HOXA3: variants seen among roughly 807,000 people sequenced by gnomAD.
HOXA3 encodes the protein homeobox A3, also known as homeobox protein Hox-A3.
Under a neutral mutation model 30.3 loss-of-function variants are expected in HOXA3, and 8 were observed. The ratio of observed to expected loss-of-function variants is 0.26; its 90% confidence interval spans 0.15 to 0.48. HOXA3 has a LOEUF of 0.48. Among genes scored for constraint, HOXA3 ranks in the 20% least tolerant of loss-of-function variants. The pLI is 0.99. For missense variants in HOXA3, 653 were observed against 614.4 expected, an observed-to-expected ratio of 1.06 and a Z score of -0.66; for synonymous variants, 323 against 273.1, an observed-to-expected ratio of 1.18 and a Z score of -1.80.
In HOXA3 at chr7:27,113,113, C is replaced by G. The variant is rs1219718103; in HGVS notation, c.-120-2353G>C. Among the ~76,000 whole-genome samples, 1 of 152,126 alleles carries G rather than the reference C, an allele frequency of 6.6e-6. No individual in the cohort carries two copies. Among genetic ancestry groups the G allele is most frequent in the African/African-American group, 2.4e-5 (1 of 41,424 alleles). ...GATTTGCCAGCCAGGAAACTTTGCT[C>G]TGTACCGCCAAGCAAGGGCTGGGGA... On this transcript the variant is annotated intron_variant, in intron 4 of 5. Transcript: ENST00000612286. This position sits in a 1 kb window ranked among gnomAD's most constrained non-coding sequence, Gnocchi z 4.8.
chr7:27,129,027 C>T, intron 2 of HOXA3: 1 of 631,920 alleles, frequency 1.6e-6, no homozygotes, highest in South Asian at 1.9e-5. Context: ...GCATCCTGGA[C>T]AACTGTTCTC....
chr7:27,114,818 T>TATATATATA (rs1161205807), intron 4 of HOXA3, among the ~76,000 whole-genome samples: 4 of 29,306 alleles, frequency 1.4e-4, no homozygotes, highest in East Asian at 1.6e-3. Flanking sequence ...AAAACATACA[T>TATATATATA]ATATATATAA....
intron 2 of HOXA3, chr7:27,128,836 G>C (rs770644565): frequency 8.2e-6 from 2 of 243,294 alleles, no homozygotes; most frequent in Non-Finnish European, 1.6e-5. Context: ...GGTAAGGAAG[G>C]TGGGGAAAGG....
At position 27,110,436 on chromosome 7, in the gene HOXA3, C is replaced by T; in HGVS notation, c.205G>A (p.Glu69Lys). ...GCGCTCAGGGTGCGCAGGCACGCCT[C>T]ACTCAGTTCGTGTGCCTTGGGGTGG... Reference protein sequence around the residue: ...GGHPKAHELSEACLRTLSAPP... With the variant: ...GGHPKAHELSKACLRTLSAPP... Residue 69 changes from glutamate (E) to lysine (K), a missense_variant, in exon 5 of 6, where the codon GAG becomes AAG. Transcript: ENST00000612286. The T allele has an allele frequency of 6.4e-7, 1 of 1,574,622 alleles. No individual in the cohort carries two copies. The highest frequency in any genetic ancestry group is 8.6e-7 in the Non-Finnish European group (1 of 1,159,852).
intron 1 of HOXA3, chr7:27,143,103 C>A: frequency 6.4e-7 from 1 of 1,569,600 alleles, no homozygotes; most frequent in Non-Finnish European, 8.6e-7. Context: ...GCGGGCGGCG[C>A]CGGGCTCGGC....
intron 2 of HOXA3, among the ~76,000 whole-genome samples, chr7:27,136,933 T>C (rs1345741942): frequency 6.6e-6 from 1 of 152,084 alleles, no homozygotes; most frequent in East Asian, 1.9e-4. Flanking sequence ...GGAGCCCCGT[T>C]TATAGTTTTG....
intron 5 of HOXA3, 66 bp downstream of exon 5, chr7:27,110,049 C>T: frequency 6.3e-6 from 10 of 1,582,490 alleles, no homozygotes; most frequent in Non-Finnish European, 8.7e-6. Flanking sequence ...TGCTGGATGT[C>T]GTGGGCAGTA....
At chr7:27,115,697 G>C (rs1040966158) in intron 4 of HOXA3, 1 of 152,298 alleles carries the variant, frequency 6.6e-6, no homozygotes, top group South Asian at 2.1e-4. Context: ...AAAACGCGGG[G>C]ACCAGACCTG....
intron 2 of HOXA3, among the ~76,000 whole-genome samples, chr7:27,135,583 T>C (rs1364339856): frequency 6.6e-6 from 1 of 152,200 alleles, no homozygotes. Context: ...ACTGCAAAGA[T>C]TATATTTTGC....
chr7:27,129,973 T>C (rs959652511), intron 2 of HOXA3: 1 of 903,076 alleles, frequency 1.1e-6, no homozygotes, highest in Non-Finnish European at 1.7e-6. Flanking sequence ...GGCGCGCACA[T>C]ACCCACATCT....
intron 1 of HOXA3, among the ~76,000 whole-genome samples, chr7:27,149,530 G>A (rs1562733733): frequency 6.6e-6 from 1 of 152,196 alleles, no homozygotes; most frequent in Non-Finnish European, 1.5e-5. Context: ...GTCGACCTCC[G>A]AAGAGCCCAA....
intron 4 of HOXA3, among the ~76,000 whole-genome samples, chr7:27,117,357 C>CA (rs1458533753): frequency 6.6e-6 from 1 of 152,184 alleles, no homozygotes; most frequent in Non-Finnish European, 1.5e-5. Context: ...TGATGAAGTC[C>CA]AAACCTAATC....
chr7:27,147,291 CTT>C, intron 1 of HOXA3: 1 of 1,608,348 alleles, frequency 6.2e-7, no homozygotes, highest in Non-Finnish European at 8.5e-7. Context: ...CCTCCACTGT[CTT>C]GGGATATGTC....
At chr7:27,139,893 C>T (rs73288602) in intron 2 of HOXA3, among the ~76,000 whole-genome samples, 190 bp downstream of exon 2, 10,713 of 152,214 alleles carry the variant, frequency 0.07, 771 homozygotes, top group African/African-American at 0.19. Context: ...GCCACAGGCG[C>T]TGCTCACTCT....
Position 27,130,270 on chromosome 7 carries a change from C to A in HOXA3, c.-389-3200G>T, listed in dbSNP as rs1332895913. On this transcript the variant is annotated intron_variant, in intron 2 of 5. Coordinates refer to ENST00000612286, the MANE Select transcript of HOXA3 (RefSeq NM_153631.3). The stretch of plus-strand genomic sequence containing the variant: ...GGTGGCGGGGGCCGCCTCGCAGCGC[C>A]GCGGGGCCGCTGGGGGCACGGCGCG... 2.3e-5 allele frequency: 26 copies of A among 1,146,690 alleles called. No individual in the cohort carries two copies. Among genetic ancestry groups the A allele is most frequent in the Non-Finnish European group, 2.7e-5 (25 of 934,312 alleles). 71.0% of individuals were successfully genotyped at this position (1,146,690 alleles called of 1,614,324 possible).
chr7:27,131,037 C>T (rs1171463521), intron 2 of HOXA3, among the ~76,000 whole-genome samples: 1 of 152,092 alleles, frequency 6.6e-6, no homozygotes, highest in Non-Finnish European at 1.5e-5. Flanking sequence ...TGCTGCTGTC[C>T]GGCCCCTGGG....
chr7:27,130,195 G>T, intron 2 of HOXA3: 1 of 1,572,422 alleles, frequency 6.4e-7, no homozygotes, highest in South Asian at 1.1e-5. Flanking sequence ...GCTCTTGTCG[G>T]CCAAGAGCAG....
intron 2 of HOXA3, chr7:27,129,854 A>G (rs1470500761): frequency 1.7e-6 from 1 of 605,178 alleles, no homozygotes; most frequent in East Asian, 2.8e-5. Flanking sequence ...GGGCAATTAA[A>G]TTTATGGGGG....
intron 4 of HOXA3, chr7:27,115,942 AAAT>A (rs1460197166): frequency 6.6e-6 from 1 of 152,670 alleles, no homozygotes; most frequent in Non-Finnish European, 1.5e-5. Flanking sequence ...GATTATTTTA[AAAT>A]AATAATTTAT....
Sources: allele counts gnomAD v4.1 joint callset (sites outside exome capture counted in the v4.1 genomes callset), GRCh38; gene constraint gnomAD v4.1.1; non-coding constraint Gnocchi (gnomAD v3.1); transcripts MANE v1.5; gene names NCBI Gene and HGNC (gene_info 2026-07-23, HGNC 2026-07-21).